PACRG: variants seen among roughly 807,000 people sequenced by gnomAD.
The protein encoded by PACRG is parkin coregulated gene protein.
In PACRG, 29 loss-of-function variants were observed where a neutral mutation model predicts 29.7. That is an observed-to-expected ratio of 0.98 (90% CI 0.73 to 1.33). PACRG has a LOEUF of 1.33. PACRG is among the 40% of genes most tolerant of loss of function. The pLI is 0.00. For missense variants in PACRG, 279 were observed against 316.2 expected (o/e 0.88, Z 0.89); for synonymous variants, 116 against 118.7 (o/e 0.98, Z 0.15).
intron 4 of PACRG, among the ~76,000 whole-genome samples, chr6:163,243,931 G>A (rs886559061): frequency 1.3e-5 from 2 of 152,164 alleles, no homozygotes; most frequent in African/African-American, 2.4e-5. Context: ...GTACAAAAAC[G>A]AAATGTAGTC....
chr6:162,776,239 T>C (rs893855213), intron 1 of PACRG, among the ~76,000 whole-genome samples: 1 of 152,256 alleles, frequency 6.6e-6, no homozygotes, highest in Non-Finnish European at 1.5e-5. Flanking sequence ...CAGATTCTCC[T>C]GTAGCATTGT....
At chr6:163,190,792 G>A (rs181359204) in intron 4 of PACRG, 83 of 330,880 alleles carry the variant, frequency 2.5e-4, no homozygotes, top group Middle Eastern at 1.9e-3. Context: ...CTGTGAGCCC[G>A]CTCCAAAGAT....
chr6:163,208,316 A>G (rs958045176), intron 4 of PACRG, among the ~76,000 whole-genome samples: 1 of 152,046 alleles, frequency 6.6e-6, no homozygotes, highest in African/African-American at 2.4e-5. Context: ...AAGACATAAC[A>G]TAGTACCTTC....
In PACRG at chr6:163,049,380, C is replaced by T. The variant is rs1809746405; in HGVS notation, c.292-12770C>T. 2.6e-5 allele frequency among the ~76,000 whole-genome samples: 4 copies of T among 152,064 alleles called. No individual in the cohort carries two copies. The South Asian group carries it at 8.3e-4, about 32-fold the overall frequency. ...TGATTTAAATGTAAAGAAAATAAAT[C>T]ATAAAAGTATGAGAATAAACCATTA... On this transcript the variant is annotated intron_variant, in intron 2 of 4. Transcript: ENST00000366888.
At chr6:163,108,641 A>G (rs1815534274) in intron 4 of PACRG, among the ~76,000 whole-genome samples, 1 of 151,788 alleles carries the variant, frequency 6.6e-6, no homozygotes, top group African/African-American at 2.4e-5. Context: ...CACCCACCTC[A>G]ACCTCTCAAA....
At chr6:163,147,813 C>T (rs902655153) in intron 4 of PACRG, among the ~76,000 whole-genome samples, 1 of 152,222 alleles carries the variant, frequency 6.6e-6, no homozygotes, top group African/African-American at 2.4e-5. Context: ...CCACGCTTCA[C>T]ATCTCCCAGC....
intron 4 of PACRG, among the ~76,000 whole-genome samples, chr6:163,291,672 G>A (rs1490282862): frequency 6.6e-6 from 1 of 152,236 alleles, no homozygotes; most frequent in East Asian, 1.9e-4. Context: ...TATTTGTCAA[G>A]GGCCTCTAGA....
At chr6:162,752,914 T>G (rs900053011) in intron 1 of PACRG, among the ~76,000 whole-genome samples, 3 of 152,230 alleles carry the variant, frequency 2.0e-5, no homozygotes, top group African/African-American at 7.2e-5. Context: ...TACTTTATTT[T>G]TCTTTAGGCT....
chr6:163,269,737 G>T (rs1783662531), intron 4 of PACRG, among the ~76,000 whole-genome samples: 1 of 139,090 alleles, frequency 7.2e-6, no homozygotes, highest in Non-Finnish European at 1.6e-5. Flanking sequence ...TACCACTGAG[G>T]GGGAAAAGAA....
At chr6:162,789,043 A>G (rs1311900720) in intron 1 of PACRG, among the ~76,000 whole-genome samples, 2 of 152,170 alleles carry the variant, frequency 1.3e-5, no homozygotes, top group Non-Finnish European at 2.9e-5. Context: ...TAACCACTAG[A>G]CCAGGGAGTG....
intron 4 of PACRG, among the ~76,000 whole-genome samples, chr6:163,295,666 A>G (rs1220683260): frequency 1.3e-5 from 2 of 152,198 alleles, no homozygotes; most frequent in Admixed American, 6.5e-5. Flanking sequence ...AAGCACTGAT[A>G]CTGTTATTAT....
chr6:162,793,730 A>G (rs1785143677), intron 1 of PACRG, among the ~76,000 whole-genome samples: 1 of 152,244 alleles, frequency 6.6e-6, no homozygotes. Flanking sequence ...TGGACTCTTT[A>G]GCAAATCTTA....
chr6:162,843,305 T>G (rs199816553), intron 2 of PACRG, among the ~76,000 whole-genome samples: 13,513 of 139,706 alleles, frequency 0.097, 294 homozygotes, highest in Middle Eastern at 0.14. Flanking sequence ...TTCTTTTTAT[T>G]CTTTTTTCTC....
intron 4 of PACRG, among the ~76,000 whole-genome samples, chr6:163,173,393 G>A (rs905334098): frequency 1.3e-5 from 2 of 152,144 alleles, no homozygotes; most frequent in African/African-American, 4.8e-5. Context: ...GCTCCTTGGG[G>A]TAGAGACCTT....
At chr6:163,042,907 A>G (rs986737892) in intron 2 of PACRG, 9 of 152,156 alleles carry the variant, frequency 5.9e-5, no homozygotes, top group African/African-American at 2.2e-4. Context: ...TTGCATAAAC[A>G]TGGAATTGTC....
chr6:163,009,070 GAAT>G (rs1805386873), intron 2 of PACRG, among the ~76,000 whole-genome samples: 1 of 152,178 alleles, frequency 6.6e-6, no homozygotes, highest in South Asian at 2.1e-4. Flanking sequence ...AAATTACTCT[GAAT>G]ATAATGCTGT....
At chr6:162,831,973 A>G (rs1209826885) in intron 2 of PACRG, among the ~76,000 whole-genome samples, 3 of 152,156 alleles carry the variant, frequency 2.0e-5, no homozygotes, top group Admixed American at 6.6e-5. Context: ...GAATGTACAC[A>G]TGCATGTATC....
At chr6:163,244,668 A>T (rs1782626769) in intron 4 of PACRG, among the ~76,000 whole-genome samples, 1 of 152,196 alleles carries the variant, frequency 6.6e-6, no homozygotes. Context: ...ATTCCATGAA[A>T]CATTGCTTCA....
chr6:162,793,859 G>A (rs1206342274), intron 1 of PACRG, among the ~76,000 whole-genome samples: 1 of 152,142 alleles, frequency 6.6e-6, no homozygotes, highest in Non-Finnish European at 1.5e-5. Flanking sequence ...ACTCTGAGGA[G>A]GGAAAGGATC....
Sources: gnomAD v4.1 joint callset for allele counts (sites outside exome capture counted in the v4.1 genomes callset) on GRCh38, gnomAD v4.1.1 for gene constraint, MANE v1.5 for transcripts, NCBI Gene and HGNC (gene_info 2026-07-23, HGNC 2026-07-21) for gene names.